Variants in CABCOCO1 observed in about 807,000 individuals in gnomAD.
CABCOCO1 encodes the protein ciliary associated calcium binding coiled-coil 1, also known as ciliary-associated calcium-binding coiled-coil protein 1.
Under a neutral mutation model 35.7 loss-of-function variants are expected in CABCOCO1, and 28 were observed. The ratio of observed to expected loss-of-function variants is 0.78; its 90% CI spans 0.58 to 1.07. CABCOCO1 has a LOEUF of 1.07. Ranked by LOEUF, CABCOCO1 falls within the 50% of genes least tolerant of loss-of-function variation. The pLI is 0.00. For missense variants in CABCOCO1, 326 were observed against 309.2 expected, an observed-to-expected ratio of 1.05 and a Z score of -0.41; for synonymous variants, 95 against 100.1, an observed-to-expected ratio of 0.95 and a Z score of 0.30.
chr10:61,678,385 C>T (rs745645564), intron 2 of CABCOCO1, among the ~76,000 whole-genome samples: 3 of 152,066 alleles, frequency 2.0e-5, no homozygotes, highest in Non-Finnish European at 4.4e-5. Context: ...AATTAAAGAT[C>T]CCTGGCTAAT....
At chr10:61,730,436 T>C (rs866048261) in intron 5 of CABCOCO1, among the ~76,000 whole-genome samples, 5 of 151,776 alleles carry the variant, frequency 3.3e-5, no homozygotes, top group African/African-American at 7.3e-5. Flanking sequence ...ATGAAAAAAA[T>C]AGACATATGA....
In CABCOCO1 at chr10:61,672,699, C is replaced by T. The variant is rs1357820321; in HGVS notation, c.128C>T (p.Thr43Ile). 3 of 985,222 alleles carry T rather than the reference C, an allele frequency of 3.0e-6. No homozygotes were observed. The African/African-American group carries it at 5.2e-5, about 17-fold the overall frequency. 61.0% of individuals were successfully genotyped at this position (985,222 alleles called of 1,614,324 possible). Residue 43 changes from threonine (T) to isoleucine (I), a missense_variant, in exon 2 of 8, where the codon ACT (threonine) becomes ATT (isoleucine). Coordinates refer to ENST00000648843, the MANE Select transcript of CABCOCO1 (RefSeq NM_001366906.2). Reference protein sequence around the residue: ...SPDFLSVAQITDLLMEDIDGV... With the variant: ...SPDFLSVAQIIDLLMEDIDGV... ...GATTTTCTTTCAGTTGCCCAAATCA[C>T]TGATTTGTTAATGGAGGACATCGAT...
At chr10:61,758,156 C>T (rs921825323) in intron 5 of CABCOCO1, among the ~76,000 whole-genome samples, 1 of 152,058 alleles carries the variant, frequency 6.6e-6, no homozygotes, top group Non-Finnish European at 1.5e-5. Context: ...CACTCATCCC[C>T]ACCACCCCCA....
chr10:61,688,971 A>G (rs186963387), intron 4 of CABCOCO1, among the ~76,000 whole-genome samples: 14 of 152,300 alleles, frequency 9.2e-5, no homozygotes, highest in Non-Finnish European at 1.6e-4. Flanking sequence ...ACCGCATACA[A>G]ATCATGCATT....
At chr10:61,695,073 A>G (rs539807517) in intron 5 of CABCOCO1, among the ~76,000 whole-genome samples, 6 of 152,202 alleles carry the variant, frequency 3.9e-5, no homozygotes, top group African/African-American at 1.4e-4. Context: ...AATAGACCAC[A>G]AGTGCTCCAG....
chr10:61,712,856 T>G (rs1335982771), intron 5 of CABCOCO1, among the ~76,000 whole-genome samples: 1 of 152,234 alleles, frequency 6.6e-6, no homozygotes, highest in East Asian at 1.9e-4. Context: ...TCTGTTCCAC[T>G]GGTCTATATC....
intron 1 of CABCOCO1, among the ~76,000 whole-genome samples, chr10:61,667,313 G>A (rs1839218043): frequency 2.0e-5 from 3 of 150,012 alleles, no homozygotes; most frequent in East Asian, 1.9e-4. Flanking sequence ...GCTTTTCCAC[G>A]CACTAGTTTG....
intron 5 of CABCOCO1, among the ~76,000 whole-genome samples, chr10:61,720,203 A>C (rs559121987): frequency 1.3e-5 from 2 of 152,166 alleles, no homozygotes; most frequent in Non-Finnish European, 2.9e-5. Context: ...GTGGTCTTAC[A>C]AAGTTATTGA....
At chr10:61,672,784 T>C (rs955735029) in intron 2 of CABCOCO1, 49 bp downstream of exon 2, 9 of 953,758 alleles carry the variant, frequency 9.4e-6, no homozygotes, top group Non-Finnish European at 1.1e-5. Flanking sequence ...GTTCGAGTTC[T>C]GCATCTGTAA....
chr10:61,690,650 T>A, intron 5 of CABCOCO1, 29 bp downstream of exon 5: 1 of 1,453,392 alleles, frequency 6.9e-7, no homozygotes. Flanking sequence ...TGGAACAAGT[T>A]AAGCAGAATC....
intron 5 of CABCOCO1, among the ~76,000 whole-genome samples, chr10:61,739,873 C>T (rs914827282): frequency 2.0e-5 from 3 of 152,080 alleles, no homozygotes; most frequent in Admixed American, 1.3e-4. Flanking sequence ...ACCCAGAAGG[C>T]GGAGGCTGCA....
intron 5 of CABCOCO1, among the ~76,000 whole-genome samples, chr10:61,713,154 C>T (rs978984937): frequency 6.6e-6 from 1 of 152,114 alleles, no homozygotes; most frequent in African/African-American, 2.4e-5. Context: ...AATGTTCTTC[C>T]ATTTGTTTGT....
chr10:61,665,580 T>A (rs974519930), intron 1 of CABCOCO1, among the ~76,000 whole-genome samples: 5 of 152,280 alleles, frequency 3.3e-5, no homozygotes, highest in South Asian at 2.1e-4. Context: ...TGACTTTTTT[T>A]AATATCTTCA....
intron 1 of CABCOCO1, among the ~76,000 whole-genome samples, 176 bp from the exon 2 acceptor site, chr10:61,672,456 G>A (rs1589109892): frequency 6.6e-6 from 1 of 152,156 alleles, no homozygotes; most frequent in Non-Finnish European, 1.5e-5. Flanking sequence ...TGACTTTTCA[G>A]GTGAAAGGTA....
intron 5 of CABCOCO1, among the ~76,000 whole-genome samples, chr10:61,725,421 A>G (rs1344429293): frequency 6.6e-6 from 1 of 152,216 alleles, no homozygotes; most frequent in Non-Finnish European, 1.5e-5. Flanking sequence ...AAGGAATACT[A>G]TGCAGCCATA....
chr10:61,665,508 G>A (rs1018987529), intron 1 of CABCOCO1, among the ~76,000 whole-genome samples: 1 of 152,148 alleles, frequency 6.6e-6, no homozygotes, highest in African/African-American at 2.4e-5. Flanking sequence ...AGTGAAAGGA[G>A]TTTATAAATG....
intron 5 of CABCOCO1, among the ~76,000 whole-genome samples, chr10:61,694,766 T>G (rs1046166002): frequency 6.6e-6 from 1 of 152,042 alleles, no homozygotes. Context: ...AGCTGAGAAG[T>G]GAAGCTTTGG....
intron 3 of CABCOCO1, among the ~76,000 whole-genome samples, chr10:61,681,828 A>G (rs1038273898): frequency 6.6e-6 from 1 of 152,138 alleles, no homozygotes; most frequent in African/African-American, 2.4e-5. Context: ...CCATATTTTC[A>G]TTTGTGTATA....
chr10:61,680,384 TA>T (rs1470558047), intron 2 of CABCOCO1, among the ~76,000 whole-genome samples: 3 of 134,292 alleles, frequency 2.2e-5, no homozygotes, highest in African/African-American at 5.9e-5. Context: ...ATATAACATA[TA>T]ATATATATAT....
Sources: allele counts gnomAD v4.1 joint callset (sites outside exome capture counted in the v4.1 genomes callset), GRCh38; gene constraint gnomAD v4.1.1; transcripts MANE v1.5; gene names NCBI Gene and HGNC (gene_info 2026-07-23, HGNC 2026-07-21).